The following ADGRL3 variants were observed in gnomAD, a reference collection of about 807,000 sequenced individuals.
ADGRL3 encodes calcium-independent alpha-latrotoxin receptor 3.
In ADGRL3, 62 loss-of-function variants were observed where a neutral mutation model predicts 153.5. That is an observed-to-expected ratio of 0.40 (90% confidence interval 0.33 to 0.50). The LOEUF is 0.50. Ranked by LOEUF, ADGRL3 falls within the 20% of genes least tolerant of loss-of-function variation. The pLI is 0.47. For missense variants in ADGRL3, 1,641 were observed against 1,859.4 expected (o/e 0.88, Z 2.16); for synonymous variants, 710 against 672.5 (o/e 1.06, Z -0.86).
At chr4:61,737,604 AT>A (rs1258142224) in intron 8 of ADGRL3, among the ~76,000 whole-genome samples, 1 of 152,212 alleles carries the variant, frequency 6.6e-6, no homozygotes, top group Non-Finnish European at 1.5e-5. Context: ...TTATTGTTAT[AT>A]TTTAATGAGA....
intron 5 of ADGRL3, among the ~76,000 whole-genome samples, chr4:61,637,033 T>C (rs2093452327): frequency 6.6e-6 from 1 of 152,086 alleles, no homozygotes; most frequent in South Asian, 2.1e-4. Flanking sequence ...GTGATATATA[T>C]TAAAGGTACA....
At chr4:61,990,185 T>C (rs996909381) in intron 19 of ADGRL3, among the ~76,000 whole-genome samples, 10 of 152,054 alleles carry the variant, frequency 6.6e-5, no homozygotes, top group Admixed American at 2.0e-4. Flanking sequence ...AATACCTAAA[T>C]GATGGAGTAT....
At chr4:61,366,059 A>G (rs991241158) in intron 1 of ADGRL3, among the ~76,000 whole-genome samples, 1 of 152,174 alleles carries the variant, frequency 6.6e-6, no homozygotes, top group Non-Finnish European at 1.5e-5. Flanking sequence ...ATGTTTAGGT[A>G]TTCTGTGATA....
At position 61,759,725 on chromosome 4, in the gene ADGRL3, C is replaced by A. The variant is rs1281458858; in HGVS notation, c.1399+26171C>A. Among the ~76,000 whole-genome samples the A allele has an allele frequency of 2.0e-5, 3 of 152,166 alleles. No individual in the cohort carries two copies. The East Asian group carries it at 5.8e-4, about 29-fold the overall frequency. On this transcript the variant is annotated intron_variant, in intron 8 of 26. Transcript: ENST00000683033. ...TCCATTGCTGGTGAGGAGCTGCGTT[C>A]CTTTGGAGGAGGAGAGGCACTCTGA...
At chr4:61,270,474 C>T (rs2093105383) in intron 1 of ADGRL3, among the ~76,000 whole-genome samples, 1 of 151,524 alleles carries the variant, frequency 6.6e-6, no homozygotes, top group Non-Finnish European at 1.5e-5. Context: ...TGAAAAAAAC[C>T]TGCTTATTTG....
intron 9 of ADGRL3, among the ~76,000 whole-genome samples, chr4:61,865,246 C>T (rs1195437310): frequency 6.9e-6 from 1 of 144,498 alleles, no homozygotes; most frequent in African/African-American, 2.6e-5. Flanking sequence ...CTATTGCCCA[C>T]CCCCATATAC....
chr4:62,036,155 A>C (rs1724862352), intron 23 of ADGRL3, among the ~76,000 whole-genome samples: 1 of 152,172 alleles, frequency 6.6e-6, no homozygotes, highest in African/African-American at 2.4e-5. Context: ...ATAGCATTTT[A>C]AATACATTAA....
intron 1 of ADGRL3, among the ~76,000 whole-genome samples, chr4:61,382,473 G>C (rs2151911161): frequency 6.6e-6 from 1 of 151,538 alleles, no homozygotes; most frequent in Non-Finnish European, 1.5e-5. Flanking sequence ...TAAAAAGTCT[G>C]TTTTATTATT....
At chr4:61,629,045 A>G (rs2092998603) in intron 5 of ADGRL3, among the ~76,000 whole-genome samples, 2 of 152,168 alleles carry the variant, frequency 1.3e-5, no homozygotes, top group African/African-American at 4.8e-5. Flanking sequence ...TGCTGAGAAA[A>G]CAAGTGAGAC....
At chr4:61,614,622 T>G (rs2091787223) in intron 5 of ADGRL3, among the ~76,000 whole-genome samples, 1 of 152,100 alleles carries the variant, frequency 6.6e-6, no homozygotes, top group Admixed American at 6.6e-5. Flanking sequence ...AAATCCAGGA[T>G]TTCAAGGAAG....
intron 4 of ADGRL3, among the ~76,000 whole-genome samples, chr4:61,544,448 C>A (rs947451136): frequency 6.6e-6 from 1 of 152,112 alleles, no homozygotes; most frequent in African/African-American, 2.4e-5. Context: ...TTAAGAACTA[C>A]TGATGGTAAG....
At chr4:61,491,477 C>T (rs965122001) in intron 2 of ADGRL3, among the ~76,000 whole-genome samples, 1 of 152,128 alleles carries the variant, frequency 6.6e-6, no homozygotes, top group African/African-American at 2.4e-5. Context: ...GCACACAAAT[C>T]ACGATTACTT....
intron 2 of ADGRL3, among the ~76,000 whole-genome samples, chr4:61,490,916 T>G (rs1483154755): frequency 6.6e-6 from 1 of 152,166 alleles, no homozygotes; most frequent in African/African-American, 2.4e-5. Context: ...GAGAAGCATA[T>G]GTGTAGGTTT....
intron 21 of ADGRL3, among the ~76,000 whole-genome samples, chr4:62,023,894 A>G (rs898303533): frequency 2.8e-5 from 4 of 143,198 alleles, no homozygotes; most frequent in African/African-American, 9.8e-5. Context: ...GTATGCCTGC[A>G]TCTTATTTGC....
chr4:61,917,020 G>A (rs1270890416), intron 13 of ADGRL3, among the ~76,000 whole-genome samples: 1 of 152,054 alleles, frequency 6.6e-6, no homozygotes, highest in Non-Finnish European at 1.5e-5. Flanking sequence ...ATTGTGCAGA[G>A]CAATTAGAAT....
In ADGRL3 at chr4:62,070,110, G is replaced by C. The variant is rs1399842358; in HGVS notation, c.3834G>C (p.Lys1278Asn). 3.7e-6 allele frequency: 6 copies of C among 1,608,308 alleles called. No homozygotes were observed. The highest frequency in any genetic ancestry group is 2.7e-5 in the African/African-American group (2 of 74,506). ...SLNREPYRET[K>N]GLLNNARDTS... ...ATAGTATCTTGTAATCTTTTTCAGA[G>C]GGGCTTCTGAACAATGCCAGGGATA... The change falls in exon 27 of 27, where the codon AAG (lysine) becomes AAC (asparagine). Residue 1278 changes from lysine (K) to asparagine (N), a missense_variant and splice_region_variant. Physicochemically the swap from Lys to Asn is moderately conservative, Grantham distance 94 (BLOSUM62 0). Coordinates refer to ENST00000683033, the MANE Select transcript of ADGRL3 (RefSeq NM_001387552.1).
intron 1 of ADGRL3, among the ~76,000 whole-genome samples, chr4:61,297,320 A>G (rs1204400591): frequency 6.6e-6 from 1 of 152,148 alleles, no homozygotes; most frequent in Non-Finnish European, 1.5e-5. Context: ...CATTGCATTG[A>G]ATAGGCAGCT....
At chr4:61,257,894 T>A (rs1223806273) in intron 1 of ADGRL3, among the ~76,000 whole-genome samples, 1 of 151,924 alleles carries the variant, frequency 6.6e-6, no homozygotes, top group African/African-American at 2.4e-5. Context: ...CACCCCATGC[T>A]TTAGGAAGGA....
chr4:61,979,542 G>T, intron 17 of ADGRL3, 21 bp from the exon 18 acceptor site: 1 of 1,609,382 alleles, frequency 6.2e-7, no homozygotes, highest in Non-Finnish European at 8.5e-7. Context: ...GCAACTTATG[G>T]CTTTTTCATT....
Sources: gnomAD v4.1 joint callset for allele counts (sites outside exome capture counted in the v4.1 genomes callset) on GRCh38, gnomAD v4.1.1 for gene constraint, MANE v1.5 for transcripts, NCBI Gene and HGNC (gene_info 2026-07-23, HGNC 2026-07-21) for gene names.